NLGN1: variants seen among roughly 807,000 people sequenced by gnomAD.
NLGN1 encodes neuroligin 1, also known as neuroligin-1.
In NLGN1, 12 loss-of-function variants were observed where a neutral mutation model predicts 65.5. The ratio of observed to expected loss-of-function variants is 0.18; its 90% CI spans 0.12 to 0.30. The LOEUF is 0.30. NLGN1 is among the 10% of genes least tolerant of loss of function. NLGN1 has a pLI of 1.00. For missense variants in NLGN1, 750 were observed against 1,007.1 expected, an observed-to-expected ratio of 0.74 and a Z score of 3.46; for synonymous variants, 350 against 359.5, an observed-to-expected ratio of 0.97 and a Z score of 0.30.
At chr3:173,689,449 C>CT (rs1172564086) in intron 3 of NLGN1, among the ~76,000 whole-genome samples, 1 of 152,130 alleles carries the variant, frequency 6.6e-6, no homozygotes, top group Non-Finnish European at 1.5e-5. Flanking sequence ...GAACACACCC[C>CT]TGCTGAAATG....
At position 174,090,307 on chromosome 3, in the gene NLGN1, T is replaced by A. The variant is rs548820811; in HGVS notation, c.647-185008T>A. ...CCAACATGATGAAATCTCGTCTCTATTAAAAATACAAAAAAAATAGCCTGG... is the reference window on the plus strand; with the variant it reads ...CCAACATGATGAAATCTCGTCTCTAATAAAAATACAAAAAAAATAGCCTGG... On this transcript the variant is annotated intron_variant, in intron 4 of 6. Transcript: ENST00000457714. Among the ~76,000 whole-genome samples, 3 of 151,590 alleles carry A rather than the reference T, an allele frequency of 2.0e-5. No individual in the cohort carries two copies. In the East Asian group the frequency reaches 5.9e-4, roughly 30 times the overall value.
At chr3:174,174,056 T>A (rs925140865) in intron 4 of NLGN1, among the ~76,000 whole-genome samples, 12 of 152,088 alleles carry the variant, frequency 7.9e-5, no homozygotes, top group African/African-American at 2.9e-4. Context: ...AGCTCCCACA[T>A]ATGAGTGAGA....
intron 3 of NLGN1, among the ~76,000 whole-genome samples, chr3:173,749,641 A>C (rs1282153580): frequency 6.6e-6 from 1 of 152,056 alleles, no homozygotes; most frequent in Non-Finnish European, 1.5e-5. Flanking sequence ...CCACATGTAG[A>C]AATCATTTCC....
intron 3 of NLGN1, among the ~76,000 whole-genome samples, chr3:173,802,891 G>A (rs1715753948): frequency 6.6e-6 from 1 of 151,256 alleles, no homozygotes; most frequent in Non-Finnish European, 1.5e-5. Context: ...GGAGACTGGA[G>A]GGCAGTGGCG....
chr3:174,126,429 T>A (rs553570937), intron 4 of NLGN1, among the ~76,000 whole-genome samples: 2 of 152,284 alleles, frequency 1.3e-5, no homozygotes, highest in South Asian at 2.1e-4. Context: ...CAGGTACAGA[T>A]GATCCAAGTG....
chr3:173,668,213 A>G (rs182530555), intron 3 of NLGN1, among the ~76,000 whole-genome samples: 1 of 152,280 alleles, frequency 6.6e-6, no homozygotes, highest in African/African-American at 2.4e-5. Context: ...GAATCTAACT[A>G]GACTTCACAG....
At chr3:173,987,272 G>C (rs1720152507) in intron 4 of NLGN1, among the ~76,000 whole-genome samples, 1 of 152,164 alleles carries the variant, frequency 6.6e-6, no homozygotes, top group South Asian at 2.1e-4. Context: ...ACAAAGGGAA[G>C]AGTCAAATTG....
chr3:173,576,227 T>A (rs1745476443), intron 2 of NLGN1, among the ~76,000 whole-genome samples: 2 of 152,182 alleles, frequency 1.3e-5, no homozygotes, highest in Non-Finnish European at 2.9e-5. Flanking sequence ...CTAGGAAATT[T>A]AAAATTTCCT....
intron 3 of NLGN1, among the ~76,000 whole-genome samples, chr3:173,759,204 A>G (rs947820017): frequency 6.6e-6 from 1 of 151,974 alleles, no homozygotes; most frequent in African/African-American, 2.4e-5. Context: ...TGGTTTAAAA[A>G]TAAAATATTT....
In NLGN1 at chr3:173,480,198, CAT is replaced by C. The variant is rs973169761; in HGVS notation, c.-321+45121_-321+45122del. On this transcript the variant is annotated intron_variant, in intron 2 of 6. Coordinates refer to ENST00000457714, the Ensembl canonical transcript of NLGN1. ...ATTTGTACAAATGAAATGTGCAAAA[CAT>C]GTGATTCTCGGTGCTAGCCACAAAC... is the stretch of plus-strand genomic sequence containing the variant. Among the ~76,000 whole-genome samples the C allele has an allele frequency of 5.3e-5, 8 of 151,752 alleles. 1 individual carries two copies. In the East Asian group the frequency reaches 7.8e-4, roughly 15 times the overall value.
chr3:174,009,420 G>A (rs886494471), intron 4 of NLGN1, among the ~76,000 whole-genome samples: 2 of 152,040 alleles, frequency 1.3e-5, no homozygotes, highest in African/African-American at 2.4e-5. Flanking sequence ...CATTCACTAC[G>A]ATAAATGCAT....
chr3:173,524,222 G>C (rs1165783155), intron 2 of NLGN1, among the ~76,000 whole-genome samples: 2 of 151,792 alleles, frequency 1.3e-5, no homozygotes, highest in African/African-American at 2.4e-5. Flanking sequence ...CACTGTGCCC[G>C]GCCTCATATA....
chr3:173,848,637 A>G (rs1189073420), intron 4 of NLGN1, among the ~76,000 whole-genome samples: 1 of 152,176 alleles, frequency 6.6e-6, no homozygotes, highest in Non-Finnish European at 1.5e-5. Context: ...TAAGAGAGGG[A>G]ACATTTGAAG....
At chr3:174,063,899 A>AATAT (rs1219908712) in intron 4 of NLGN1, among the ~76,000 whole-genome samples, 2 of 152,024 alleles carry the variant, frequency 1.3e-5, no homozygotes, top group African/African-American at 2.4e-5. Flanking sequence ...TAAATAAATA[A>AATAT]AAACAAGGGG....
chr3:173,925,989 ATTT>A (rs1236255961), intron 4 of NLGN1, among the ~76,000 whole-genome samples: 1 of 151,968 alleles, frequency 6.6e-6, no homozygotes, highest in Non-Finnish European at 1.5e-5. Context: ...ATTCATTCTT[ATTT>A]TTAGTGCTGT....
intron 3 of NLGN1, among the ~76,000 whole-genome samples, chr3:173,647,603 T>TA (rs1345667072): frequency 6.6e-6 from 1 of 151,890 alleles, no homozygotes; most frequent in African/African-American, 2.4e-5. Context: ...TAAATCAGAA[T>TA]AAAAAAATGG....
chr3:173,491,671 A>T (rs911630075), intron 2 of NLGN1, among the ~76,000 whole-genome samples: 2 of 151,782 alleles, frequency 1.3e-5, no homozygotes, highest in Non-Finnish European at 2.9e-5. Flanking sequence ...TGTCTGAAGC[A>T]GTCATGTTTG....
At position 173,608,755 on chromosome 3, in the gene NLGN1, CTTCT is replaced by C. The variant is rs371724852; in HGVS notation, c.493+3671_493+3674del. On this transcript the variant is annotated intron_variant, in intron 3 of 6. Coordinates refer to ENST00000457714, the Ensembl canonical transcript of NLGN1. ...CCATCCTTCCTCTCTCTCTTTTTTC[CTTCT>C]TTCTTTAACACATTCAAATATGTCA... Among the ~76,000 whole-genome samples, 65 of 151,656 alleles carry C rather than the reference CTTCT, an allele frequency of 4.3e-4. 1 individual carries two copies. The East Asian group carries it at 0.011, about 26-fold the overall frequency.
intron 4 of NLGN1, among the ~76,000 whole-genome samples, chr3:173,981,550 T>C (rs1160898352): frequency 6.6e-6 from 1 of 152,184 alleles, no homozygotes; most frequent in Admixed American, 6.6e-5. Context: ...ATCTGGTACA[T>C]TACATTTGTT....
Sources: allele counts gnomAD v4.1 joint callset (sites outside exome capture counted in the v4.1 genomes callset), GRCh38; gene constraint gnomAD v4.1.1; transcripts MANE v1.5; gene names NCBI Gene and HGNC (gene_info 2026-07-23, HGNC 2026-07-21).